The following SH3RF2 variants were observed in gnomAD, a reference collection of about 807,000 sequenced individuals.
SH3RF2 encodes the protein SH3 domain containing ring finger 2, also known as E3 ubiquitin-protein ligase SH3RF2.
In SH3RF2, 43 loss-of-function variants were observed where a neutral mutation model predicts 59.0. That is an observed-to-expected ratio of 0.73 (90% CI 0.57 to 0.94). The LOEUF (loss-of-function observed/expected upper bound fraction) is 0.94, where lower values mean the gene tolerates loss of function less well. SH3RF2 is among the 40% of genes least tolerant of loss of function. The pLI, the probability that SH3RF2 is intolerant of heterozygous loss-of-function variation, is 0.00. For missense variants in SH3RF2, 930 were observed against 940.1 expected (o/e 0.99, Z 0.14); for synonymous variants, 391 against 391.5 (o/e 1.00, Z 0.01).
chr5:145,971,524 G>C (rs1328842434), intron 2 of SH3RF2, among the ~76,000 whole-genome samples: 3 of 152,206 alleles, frequency 2.0e-5, no homozygotes, highest in Non-Finnish European at 4.4e-5. Flanking sequence ...TTTTTCTAAT[G>C]CCTTCAAGCT....
In SH3RF2 at chr5:146,010,619, C is replaced by G. The variant is rs182768897; in HGVS notation, c.745-3128C>G. Among the ~76,000 whole-genome samples the G allele has an allele frequency of 1.3e-3, 204 of 152,332 alleles. 1 individual carries two copies. Among genetic ancestry groups the G allele is most frequent in the African/African-American group, 4.8e-3 (199 of 41,586 alleles). ...CATTGTGGTTTTGATTTGCATTTCT[C>G]TGATGGCCAGTGATGATGAGCATTT... On this transcript the variant is annotated intron_variant, in intron 4 of 9. Coordinates refer to ENST00000359120, the MANE Select transcript of SH3RF2 (RefSeq NM_152550.4).
chr5:146,049,336 C>A (rs1406166566), intron 7 of SH3RF2, 91 bp downstream of exon 7: 3 of 1,434,524 alleles, frequency 2.1e-6, no homozygotes, highest in Non-Finnish European at 2.8e-6. Context: ...ACCCAGTGCT[C>A]TTTCAGAAAA....
At chr5:146,064,667 AAAGAAAGAAAGAAAG>A (rs1763014727), downstream of SH3RF2, among the ~76,000 whole-genome samples, 2 of 4,290 alleles carry the variant, frequency 4.7e-4, no homozygotes, top group Admixed American at 2.8e-3. Flanking sequence ...AGAGAAAGAG[AAAGAAAGAAAGAAAG>A]AAAGAAAGAA....
At chr5:145,951,896 G>T (rs1371454354) in intron 2 of SH3RF2, among the ~76,000 whole-genome samples, 1 of 152,060 alleles carries the variant, frequency 6.6e-6, no homozygotes, top group African/African-American at 2.4e-5. Flanking sequence ...GTAAGAACAG[G>T]GGCTCTGAAG....
intron 9 of SH3RF2, among the ~76,000 whole-genome samples, chr5:146,071,624 C>T (rs1763243553): frequency 6.6e-6 from 1 of 152,140 alleles, no homozygotes; most frequent in Non-Finnish European, 1.5e-5. Context: ...GTTCCCAGTC[C>T]ACTAGAATGT....
chr5:146,035,461 G>GCT, intron 5 of SH3RF2, among the ~76,000 whole-genome samples: 1 of 115,552 alleles, frequency 8.7e-6, no homozygotes, highest in Non-Finnish European at 2.0e-5. Context: ...GGAAAAAAGC[G>GCT]TCCCTAAACC....
chr5:146,024,125 A>T (rs1346811423), intron 5 of SH3RF2, among the ~76,000 whole-genome samples: 2 of 152,254 alleles, frequency 1.3e-5, no homozygotes, highest in African/African-American at 4.8e-5. Flanking sequence ...CTGTTAGATC[A>T]TATAGTAACT....
At chr5:146,023,604 T>C (rs1248666219) in intron 5 of SH3RF2, among the ~76,000 whole-genome samples, 2 of 152,216 alleles carry the variant, frequency 1.3e-5, no homozygotes, top group Non-Finnish European at 2.9e-5. Flanking sequence ...ACTAAGTACT[T>C]GTTTTTTAGT....
At chr5:146,070,670 C>A (rs1763214143) in intron 9 of SH3RF2, among the ~76,000 whole-genome samples, 1 of 152,136 alleles carries the variant, frequency 6.6e-6, no homozygotes, top group Non-Finnish European at 1.5e-5. Context: ...CCAAAATGAC[C>A]CCCACTTCCA....
chr5:146,059,972 C>A lies in SH3RF2; in HGVS notation c.1662C>A (p.Tyr554Ter). 1 of 1,568,466 alleles carries A rather than the reference C, an allele frequency of 6.4e-7. No individual in the cohort carries two copies. Among genetic ancestry groups the A allele is most frequent in the Middle Eastern group, 1.7e-4 (1 of 5,826 alleles). ...TTCGGCCTCAGCAGTTCCAATTCTACCAGCCACAGGGGATCCCCTCCTCCC... is the reference window on the plus strand; with the variant it reads ...TTCGGCCTCAGCAGTTCCAATTCTAACAGCCACAGGGGATCCCCTCCTCCC... ...MVLRPQQFQF[Y>*]QPQGIPSSPS... The change falls in exon 9 of 10, where the codon TAC (tyrosine) becomes TAA (stop). Residue 554 changes from tyrosine to a stop codon, truncating the protein, a stop_gained. Transcript: ENST00000359120. LOFTEE classifies it high-confidence loss of function.
At chr5:145,963,236 CTGGATGAATGGA>C (rs1169806114) in intron 2 of SH3RF2, among the ~76,000 whole-genome samples, 1 of 143,078 alleles carries the variant, frequency 7.0e-6, no homozygotes, top group Admixed American at 6.9e-5. Context: ...AAAATAAATA[CTGGATGAATGGA>C]TGGATGGATG....
chr5:146,017,040 T>C (rs1197911070), intron 5 of SH3RF2, among the ~76,000 whole-genome samples: 1 of 152,210 alleles, frequency 6.6e-6, no homozygotes, highest in Non-Finnish European at 1.5e-5. Flanking sequence ...TTTTCTTCCT[T>C]TTCATAATGA....
intron 7 of SH3RF2, 182 bp from the exon 8 acceptor site, chr5:146,055,799 G>A (rs1389257460): frequency 1.5e-6 from 1 of 646,400 alleles, no homozygotes; most frequent in Non-Finnish European, 2.7e-6. Context: ...CGGGTGTAGG[G>A]AGGTGGGGCC....
chr5:145,987,657 C>G (rs1759766709), intron 2 of SH3RF2, among the ~76,000 whole-genome samples: 1 of 152,090 alleles, frequency 6.6e-6, no homozygotes. Flanking sequence ...GTTTATAAGT[C>G]TGATCTTTGT....
chr5:145,994,856 T>A (rs1186724153), intron 2 of SH3RF2, among the ~76,000 whole-genome samples: 1 of 152,216 alleles, frequency 6.6e-6, no homozygotes, highest in Non-Finnish European at 1.5e-5. Flanking sequence ...TTAGAGCACT[T>A]AGCAAAGAAT....
intron 2 of SH3RF2, among the ~76,000 whole-genome samples, chr5:145,962,807 C>CT (rs1360265446): frequency 6.6e-6 from 1 of 151,778 alleles, no homozygotes; most frequent in Non-Finnish European, 1.5e-5. Context: ...TAACACCTAT[C>CT]TCCCTTTAAT....
At chr5:146,040,420 A>G (rs886532242) in intron 5 of SH3RF2, among the ~76,000 whole-genome samples, 1 of 152,194 alleles carries the variant, frequency 6.6e-6, no homozygotes, top group African/African-American at 2.4e-5. Context: ...GGGGGTGGCC[A>G]GGAGAAGTGC....
downstream of SH3RF2, among the ~76,000 whole-genome samples, chr5:146,064,766 GGAA>G (rs1763037141): frequency 6.2e-5 from 2 of 32,036 alleles, 1 homozygote; most frequent in Non-Finnish European, 1.2e-4. Context: ...AAGGAAGGAA[GGAA>G]GGAAGGAAAG....
At chr5:145,996,540 T>A (rs1275341824) in intron 2 of SH3RF2, among the ~76,000 whole-genome samples, 1 of 94,442 alleles carries the variant, frequency 1.1e-5, no homozygotes, top group Non-Finnish European at 2.3e-5. Flanking sequence ...AAACTGACGA[T>A]TGATCTCTGA....
Sources: gnomAD v4.1 joint callset for allele counts (sites outside exome capture counted in the v4.1 genomes callset) on GRCh38, gnomAD v4.1.1 for gene constraint, MANE v1.5 for transcripts, NCBI Gene and HGNC (gene_info 2026-07-23, HGNC 2026-07-21) for gene names.